TMEM132D: variants seen among roughly 807,000 people sequenced by gnomAD.
TMEM132D encodes the protein mature OL transmembrane protein.
Under a neutral mutation model 62.3 loss-of-function variants are expected in TMEM132D, and 21 were observed. The ratio of observed to expected loss-of-function variants is 0.34; its 90% CI spans 0.24 to 0.49. The LOEUF (loss-of-function observed/expected upper bound fraction) is 0.49. TMEM132D is among the 20% of genes least tolerant of loss of function. The probability of loss-of-function intolerance (pLI) is 0.99; values close to 1 mark genes in which losing one functional copy is unlikely to be tolerated. For missense variants in TMEM132D, 1,346 were observed against 1,402.8 expected (o/e 0.96, Z 0.65); for synonymous variants, 621 against 575.6 (o/e 1.08, Z -1.13).
intron 4 of TMEM132D, among the ~76,000 whole-genome samples, chr12:129,276,566 G>A (rs961934098): frequency 6.6e-6 from 1 of 152,154 alleles, no homozygotes; most frequent in African/African-American, 2.4e-5. Flanking sequence ...ATAAAGTCGT[G>A]CAGGCGTGTG....
intron 2 of TMEM132D, among the ~76,000 whole-genome samples, chr12:129,638,087 A>G (rs155712): frequency 0.99 from 151,492 of 152,312 alleles, 75,342 homozygotes; most frequent in Middle Eastern, 1. Context: ...AATGAAACAC[A>G]AATCAGCCGT....
intron 5 of TMEM132D, among the ~76,000 whole-genome samples, chr12:129,183,302 C>T (rs1379157353): frequency 6.6e-6 from 1 of 152,206 alleles, no homozygotes; most frequent in Non-Finnish European, 1.5e-5. Flanking sequence ...GGGCCTATTA[C>T]AGGTGAGAGT....
At chr12:129,182,379 G>T (rs577154242) in intron 5 of TMEM132D, among the ~76,000 whole-genome samples, 1 of 152,236 alleles carries the variant, frequency 6.6e-6, no homozygotes, top group East Asian at 1.9e-4. Context: ...GAAAGAAAGT[G>T]GAGCCATGGA....
chr12:129,651,683 A>G (rs1440557202), intron 2 of TMEM132D, among the ~76,000 whole-genome samples: 1 of 152,222 alleles, frequency 6.6e-6, no homozygotes, highest in Non-Finnish European at 1.5e-5. Context: ...AGAGTTATTC[A>G]TAATTAAGAA....
At chr12:129,406,173 ACAG>A (rs1871777417) in intron 3 of TMEM132D, among the ~76,000 whole-genome samples, 1 of 152,254 alleles carries the variant, frequency 6.6e-6, no homozygotes, top group Non-Finnish European at 1.5e-5. Flanking sequence ...CCTTTTGAAA[ACAG>A]CACGTTTGTA....
At chr12:129,182,643 T>C (rs540918896) in intron 5 of TMEM132D, among the ~76,000 whole-genome samples, 2 of 152,358 alleles carry the variant, frequency 1.3e-5, no homozygotes, top group East Asian at 3.9e-4. Flanking sequence ...GCTAATCTGC[T>C]TTTCTGAGTC....
intron 1 of TMEM132D, among the ~76,000 whole-genome samples, chr12:129,845,450 A>C (rs1231687545): frequency 1.3e-5 from 2 of 152,228 alleles, no homozygotes; most frequent in African/African-American, 4.8e-5. Flanking sequence ...TGGGAAATGA[A>C]ACACGTCTGA....
intron 2 of TMEM132D, among the ~76,000 whole-genome samples, chr12:129,551,589 C>A (rs530246754): frequency 6.6e-6 from 1 of 152,344 alleles, no homozygotes; most frequent in Non-Finnish European, 1.5e-5. Flanking sequence ...GACCTATCTA[C>A]TTTAGTATAG....
intron 5 of TMEM132D, 107 bp from the exon 6 acceptor site, chr12:129,084,809 C>T (rs1207873335): frequency 1.0e-6 from 1 of 1,001,200 alleles, no homozygotes; most frequent in African/African-American, 1.6e-5. Context: ...AGGTGCTTCC[C>T]TTTCCTCCCC....
chr12:129,638,772 G>A (rs946150538), intron 2 of TMEM132D, among the ~76,000 whole-genome samples: 4 of 151,952 alleles, frequency 2.6e-5, no homozygotes, highest in Admixed American at 6.6e-5. Context: ...CGATGTTTGT[G>A]AACAAGAGTC....
chr12:129,396,914 C>T (rs1042814493), intron 3 of TMEM132D, among the ~76,000 whole-genome samples: 9 of 152,092 alleles, frequency 5.9e-5, no homozygotes, highest in Non-Finnish European at 1.3e-4. Context: ...TTTTTGTAAC[C>T]TGACAATGTA....
chr12:129,803,888 A>C (rs1355164947), intron 1 of TMEM132D, among the ~76,000 whole-genome samples: 3 of 143,632 alleles, frequency 2.1e-5, no homozygotes, highest in African/African-American at 7.6e-5. Context: ...AATACAAACT[A>C]CCATCAGAGA....
intron 4 of TMEM132D, among the ~76,000 whole-genome samples, chr12:129,271,079 A>AT (rs1383973532): frequency 6.6e-6 from 1 of 152,122 alleles, no homozygotes; most frequent in Non-Finnish European, 1.5e-5. Context: ...ACATACAAAG[A>AT]TTTTTTTGGA....
At chr12:129,420,549 A>G (rs1323050582) in intron 3 of TMEM132D, among the ~76,000 whole-genome samples, 1 of 152,108 alleles carries the variant, frequency 6.6e-6, no homozygotes, top group Non-Finnish European at 1.5e-5. Context: ...CAACAGGCAA[A>G]AGGAAAGCAA....
intron 3 of TMEM132D, among the ~76,000 whole-genome samples, chr12:129,408,057 C>T (rs1453262352): frequency 6.6e-6 from 1 of 152,138 alleles, no homozygotes; most frequent in Non-Finnish European, 1.5e-5. Context: ...CTGCGTCCCT[C>T]CGTCTGCCTG....
chr12:129,484,400 A>G (rs536799127), intron 3 of TMEM132D, among the ~76,000 whole-genome samples: 1 of 152,346 alleles, frequency 6.6e-6, no homozygotes, highest in Non-Finnish European at 1.5e-5. Flanking sequence ...GGCACACAAT[A>G]GAGTAATTAA....
intron 4 of TMEM132D, among the ~76,000 whole-genome samples, chr12:129,222,275 C>G (rs12579626): frequency 0.022 from 3,329 of 152,244 alleles, 205 homozygotes; most frequent in East Asian, 0.18. Flanking sequence ...TCTTCCCTTC[C>G]TTTTTAACGT....
In TMEM132D at chr12:129,088,644, A is replaced by G. The variant is rs375418282; in HGVS notation, c.1444-3942T>C. The stretch of plus-strand genomic sequence containing the variant: ...GACCGGGGTGTCCTCCATGACCGGG[A>G]TGTCCTCCATGACCGGGTGTCCTCC... On this transcript the variant is annotated intron_variant, in intron 5 of 8. Coordinates refer to ENST00000422113, the MANE Select transcript of TMEM132D (RefSeq NM_133448.3). Among the ~76,000 whole-genome samples, 83 of 11,914 alleles carry G rather than the reference A, an allele frequency of 7.0e-3. 14 individuals are homozygous for G. Among genetic ancestry groups the G allele is most frequent in the African/African-American group, 0.021 (23 of 1,086 alleles). 7.8% of individuals were successfully genotyped at this position (11,914 alleles called of 152,430 possible).
intron 5 of TMEM132D, among the ~76,000 whole-genome samples, chr12:129,174,034 G>T (rs367892209): frequency 6.6e-6 from 1 of 152,184 alleles, no homozygotes; most frequent in Non-Finnish European, 1.5e-5. Flanking sequence ...CAGAACAAAC[G>T]TAGCCTGGTT....
Sources: allele counts gnomAD v4.1 joint callset (sites outside exome capture counted in the v4.1 genomes callset), GRCh38; gene constraint gnomAD v4.1.1; transcripts MANE v1.5; gene names NCBI Gene and HGNC (gene_info 2026-07-23, HGNC 2026-07-21).